Variants in MCTP2 observed in about 807,000 individuals in gnomAD.
MCTP2 encodes multiple C2 and transmembrane domain containing 2, also known as multiple C2 and transmembrane domain-containing protein 2.
Under a neutral mutation model 111.6 loss-of-function variants are expected in MCTP2, and 132 were observed. The ratio of observed to expected loss-of-function variants is 1.18; its 90% CI spans 1.03 to 1.37. MCTP2 has a LOEUF of 1.37. MCTP2 is among the 40% of genes most tolerant of loss of function. The pLI, the probability that MCTP2 is intolerant of heterozygous loss-of-function variation, is 0.00. For missense variants in MCTP2, 1,183 were observed against 1,067.9 expected (o/e 1.11, Z -1.50); for synonymous variants, 395 against 387.7 (o/e 1.02, Z -0.22).
intron 20 of MCTP2, among the ~76,000 whole-genome samples, chr15:94,466,412 C>G (rs1370683058): frequency 6.6e-6 from 1 of 152,098 alleles, no homozygotes; most frequent in African/African-American, 2.4e-5. Context: ...CCAGGACCTA[C>G]CAATCTAGGT....
chr15:94,432,218 T>C (rs574011436), intron 17 of MCTP2, among the ~76,000 whole-genome samples: 2 of 152,270 alleles, frequency 1.3e-5, no homozygotes, highest in African/African-American at 4.8e-5. Flanking sequence ...GTTGGGCCTA[T>C]CTATTCTTTT....
At chr15:94,396,856 G>C (rs1375514451) in intron 14 of MCTP2, among the ~76,000 whole-genome samples, 1 of 152,060 alleles carries the variant, frequency 6.6e-6, no homozygotes, top group East Asian at 1.9e-4. Flanking sequence ...ACCAGACCTA[G>C]ATACTAATAT....
At chr15:94,340,612 C>T (rs1387304036) in intron 6 of MCTP2, among the ~76,000 whole-genome samples, 1 of 152,042 alleles carries the variant, frequency 6.6e-6, no homozygotes, top group Non-Finnish European at 1.5e-5. Flanking sequence ...ATCAGTTAAC[C>T]AACTGTTGAA....
intron 17 of MCTP2, chr15:94,402,461 C>T (rs1345716817): frequency 2.6e-6 from 4 of 1,551,406 alleles, no homozygotes; most frequent in South Asian, 1.2e-5. Context: ...ACATACTGAT[C>T]ATTACACATT....
At chr15:94,346,797 T>TG (rs1442633060) in intron 8 of MCTP2, among the ~76,000 whole-genome samples, 149 of 152,068 alleles carry the variant, frequency 9.8e-4, no homozygotes, top group Middle Eastern at 3.4e-3. Context: ...GTAGAAAAAA[T>TG]GTTGACGGCC....
intron 14 of MCTP2, among the ~76,000 whole-genome samples, chr15:94,387,744 A>T (rs887605806): frequency 1.3e-5 from 2 of 152,236 alleles, no homozygotes; most frequent in African/African-American, 4.8e-5. Context: ...ACAGAATGTT[A>T]GATGGTGAAA....
intron 22 of MCTP2, 39 bp downstream of exon 22, chr15:94,476,832 C>A: frequency 8.2e-7 from 1 of 1,223,952 alleles, no homozygotes; most frequent in Non-Finnish European, 1.2e-6. Flanking sequence ...TGGCCCCAAC[C>A]TGAAATCTGG....
chr15:94,469,678 G>A (rs1203827830), intron 20 of MCTP2, among the ~76,000 whole-genome samples: 1 of 152,018 alleles, frequency 6.6e-6, no homozygotes, highest in Non-Finnish European at 1.5e-5. Flanking sequence ...GACTAGCCTG[G>A]GGTGACATAG....
intron 1 of MCTP2, among the ~76,000 whole-genome samples, chr15:94,232,427 C>T (rs1229310794): frequency 6.6e-6 from 1 of 152,222 alleles, no homozygotes; most frequent in East Asian, 1.9e-4. Flanking sequence ...AGGTACCAAG[C>T]AGCTTCTCAG....
At chr15:94,271,601 A>T (rs2073909990) in intron 1 of MCTP2, among the ~76,000 whole-genome samples, 1 of 152,180 alleles carries the variant, frequency 6.6e-6, no homozygotes, top group African/African-American at 2.4e-5. Context: ...TATGAAAGAA[A>T]CTACTGGCTT....
intron 2 of MCTP2, among the ~76,000 whole-genome samples, chr15:94,303,477 T>A (rs2075741970): frequency 6.6e-6 from 1 of 152,102 alleles, no homozygotes; most frequent in Admixed American, 6.6e-5. Context: ...AATGTTAATC[T>A]CTTTTAGCAA....
intron 17 of MCTP2, among the ~76,000 whole-genome samples, chr15:94,428,307 C>T (rs908427891): frequency 3.9e-5 from 6 of 152,106 alleles, no homozygotes; most frequent in African/African-American, 9.7e-5. Flanking sequence ...AGAATATATA[C>T]GTTAAATTAT....
intron 1 of MCTP2, among the ~76,000 whole-genome samples, chr15:94,244,325 C>T (rs1365336081): frequency 2.7e-5 from 4 of 147,452 alleles, no homozygotes; most frequent in African/African-American, 1.0e-4. Flanking sequence ...TATGTATACA[C>T]ATGTATATAT....
rs1026544767 is a variant in MCTP2, at chr15:94,423,109, A to G, written c.2086-17067A>G. ...CAATGAATTATCTGAGTGCTTTTCTACAAAGATAATTAGTGAAATAGAGCC... is the reference window on the plus strand; with the variant it reads ...CAATGAATTATCTGAGTGCTTTTCTGCAAAGATAATTAGTGAAATAGAGCC... On this transcript the variant is annotated intron_variant, in intron 17 of 22. Coordinates refer to ENST00000357742, the MANE Select transcript of MCTP2 (RefSeq NM_001385001.1). 3.9e-5 allele frequency among the ~76,000 whole-genome samples: 6 copies of G among 152,318 alleles called. No homozygotes were observed. The South Asian group carries it at 1.0e-3, about 26-fold the overall frequency.
At chr15:94,289,273 A>G (rs1003684827) in intron 1 of MCTP2, among the ~76,000 whole-genome samples, 4 of 152,224 alleles carry the variant, frequency 2.6e-5, no homozygotes, top group African/African-American at 9.6e-5. Flanking sequence ...AATGATTCAA[A>G]TGGCTGAGAT....
At chr15:94,351,979 C>T (rs1025993437) in intron 8 of MCTP2, among the ~76,000 whole-genome samples, 1 of 152,194 alleles carries the variant, frequency 6.6e-6, no homozygotes, top group African/African-American at 2.4e-5. Flanking sequence ...CCAAGCTGAC[C>T]TGTCCATCCT....
chr15:94,237,067 T>C (rs1484570102), intron 1 of MCTP2, among the ~76,000 whole-genome samples: 1 of 152,168 alleles, frequency 6.6e-6, no homozygotes, highest in Non-Finnish European at 1.5e-5. Context: ...CAGAGAATTA[T>C]GACCTTCATG....
At chr15:94,434,869 CT>C (rs370255459) in intron 17 of MCTP2, among the ~76,000 whole-genome samples, 27,737 of 133,996 alleles carry the variant, frequency 0.21, 2,663 homozygotes, top group East Asian at 0.41. Flanking sequence ...TTTTTTTTTT[CT>C]TTTTTTTTTG....
intron 17 of MCTP2, among the ~76,000 whole-genome samples, chr15:94,423,205 T>C (rs1380920466): frequency 6.6e-6 from 1 of 152,208 alleles, no homozygotes; most frequent in Non-Finnish European, 1.5e-5. Context: ...ATGTAACCAC[T>C]TATCCAATTT....
Sources: allele counts gnomAD v4.1 joint callset (sites outside exome capture counted in the v4.1 genomes callset), GRCh38; gene constraint gnomAD v4.1.1; transcripts MANE v1.5; gene names NCBI Gene and HGNC (gene_info 2026-07-23, HGNC 2026-07-21).